BCKDHB: variants seen among roughly 807,000 people sequenced by gnomAD.
The protein encoded by BCKDHB is branched chain keto acid dehydrogenase E1 subunit beta.
Under a neutral mutation model 48.5 loss-of-function variants are expected in BCKDHB, and 41 were observed. The observed-to-expected ratio is 0.85, with a 90% CI of 0.66 to 1.10. BCKDHB has a LOEUF of 1.10. Among genes scored for constraint, BCKDHB ranks in the 50% least tolerant of loss-of-function variants. The probability of loss-of-function intolerance (pLI) is 0.00; values close to 1 mark genes in which losing one functional copy is unlikely to be tolerated. For synonymous variants in BCKDHB, 201 were observed against 174.8 expected, an observed-to-expected ratio of 1.15 and a Z score of -1.18; for missense variants, 496 against 494.2, an observed-to-expected ratio of 1.00 and a Z score of -0.03.
chr6:80,394,466 A>G, the BCKDHB span, among the ~76,000 whole-genome samples: 1 of 150,738 alleles, frequency 6.6e-6, no homozygotes, highest in East Asian at 2.0e-4. Context: ...TTTCAAGTTT[A>G]CTTCTGCTCC....
chr6:80,221,786 T>C (rs7746917), intron 8 of BCKDHB, among the ~76,000 whole-genome samples: 93,359 of 151,628 alleles, frequency 0.62, 28,998 homozygotes, highest in South Asian at 0.76. Context: ...TACTGAGAAA[T>C]GTATCAGCAA....
chr6:80,248,902 ATGTGTG>A lies in BCKDHB; in HGVS notation c.952-24211_952-24206del, dbSNP rs3077568. Among the ~76,000 whole-genome samples, 1,316 of 146,756 alleles carry A rather than the reference ATGTGTG, an allele frequency of 9.0e-3. 14 individuals are homozygous for A. The highest frequency in any genetic ancestry group is 0.027 in the African/African-American group (1,094 of 39,960). On this transcript the variant is annotated intron_variant, in intron 8 of 9. Transcript: ENST00000320393. ...GTTGGAAGTTTGTGTGTGTGTGTGT[ATGTGTG>A]TGTGTGTGTGTGTGTGTGTGTATGT...
intron 9 of BCKDHB, among the ~76,000 whole-genome samples, chr6:80,327,926 C>T: frequency 6.8e-6 from 1 of 148,040 alleles, no homozygotes; most frequent in Non-Finnish European, 1.5e-5. Flanking sequence ...CTCCCCTCCC[C>T]TCCCTCCCTT....
the BCKDHB span, among the ~76,000 whole-genome samples, chr6:80,404,522 A>G: frequency 6.6e-6 from 1 of 151,750 alleles, no homozygotes; most frequent in South Asian, 2.1e-4. Context: ...ACAAAGTATT[A>G]GTTTCATTGA....
In BCKDHB at chr6:80,170,165, A is replaced by G. The variant is rs1432945989; in HGVS notation, c.634-1117A>G. Among the ~76,000 whole-genome samples, 7 of 152,306 alleles carry G rather than the reference A, an allele frequency of 4.6e-5. 1 individual carries two copies. In the South Asian group the frequency reaches 1.0e-3, roughly 23 times the overall value. On this transcript the variant is annotated intron_variant, in intron 5 of 9. Coordinates refer to ENST00000320393, the MANE Select transcript of BCKDHB (RefSeq NM_183050.4). ...GATAAAGACATTGTGTGATATGGTT[A>G]TTAATGTGTTCAGAGGTCCAGAACA...
chr6:80,347,718 C>T (rs1484021667), downstream of BCKDHB, among the ~76,000 whole-genome samples: 1 of 152,182 alleles, frequency 6.6e-6, no homozygotes, highest in Non-Finnish European at 1.5e-5. Context: ...CCTCTTTTCA[C>T]CTCTAGTTAG....
the BCKDHB span, among the ~76,000 whole-genome samples, chr6:80,426,509 A>G: frequency 2.0e-5 from 3 of 152,094 alleles, no homozygotes; most frequent in African/African-American, 4.8e-5. Context: ...CATAAATGTT[A>G]ATATTATGTA....
intron 8 of BCKDHB, among the ~76,000 whole-genome samples, chr6:80,233,977 T>C (rs756095415): frequency 6.6e-6 from 1 of 152,154 alleles, no homozygotes; most frequent in African/African-American, 2.4e-5. Flanking sequence ...GGTTTCGAGA[T>C]GAAACTGTTC....
At position 80,106,682 on chromosome 6, in the gene BCKDHB, T is replaced by G; in HGVS notation, c.-12T>G. Reference sequence around the variant, plus strand: ...CGGCTGCATAGCCTGAGAATCCCGGTGGTGAGCGGGGATGGCGGTTGTAGC... The same window carrying G: ...CGGCTGCATAGCCTGAGAATCCCGGGGGTGAGCGGGGATGGCGGTTGTAGC... On this transcript the variant is annotated 5_prime_UTR_variant, in exon 1 of 10. Coordinates refer to ENST00000320393, the MANE Select transcript of BCKDHB (RefSeq NM_183050.4). 1 of 1,551,054 alleles carries G rather than the reference T, an allele frequency of 6.4e-7. No individual in the cohort carries two copies. Among genetic ancestry groups the G allele is most frequent in the Non-Finnish European group, 8.7e-7 (1 of 1,147,942 alleles).
At chr6:80,239,286 C>T (rs1776280352) in intron 8 of BCKDHB, among the ~76,000 whole-genome samples, 1 of 152,236 alleles carries the variant, frequency 6.6e-6, no homozygotes, top group East Asian at 1.9e-4. Flanking sequence ...TTTTAATGAT[C>T]ACCATTCTAA....
At chr6:80,376,043 C>T in the BCKDHB span, among the ~76,000 whole-genome samples, 1 of 152,108 alleles carries the variant, frequency 6.6e-6, no homozygotes, top group Non-Finnish European at 1.5e-5. Flanking sequence ...TCAGATTTCT[C>T]AGGTGGTAGG....
chr6:80,446,637 AAG>A, the BCKDHB span, among the ~76,000 whole-genome samples: 2 of 152,128 alleles, frequency 1.3e-5, no homozygotes, highest in South Asian at 2.1e-4. Flanking sequence ...GAGTTAAAGA[AAG>A]AGGAAAGAAA....
At chr6:80,340,660 A>T (rs117352664) in intron 9 of BCKDHB, among the ~76,000 whole-genome samples, 1 of 152,226 alleles carries the variant, frequency 6.6e-6, no homozygotes, top group Non-Finnish European at 1.5e-5. Context: ...CTGAATTGTC[A>T]TGAAAATTCA....
intron 1 of BCKDHB, among the ~76,000 whole-genome samples, chr6:80,108,866 C>A (rs1190562449): frequency 6.6e-5 from 10 of 152,078 alleles, no homozygotes; most frequent in Admixed American, 6.5e-4. Context: ...CTCAAAAAAA[C>A]CCCAAAAAAC....
At chr6:80,161,240 C>T (rs1772300568) in intron 3 of BCKDHB, among the ~76,000 whole-genome samples, 1 of 152,128 alleles carries the variant, frequency 6.6e-6, no homozygotes, top group South Asian at 2.1e-4. Context: ...ACAATTTAGT[C>T]ATCATTTGGA....
chr6:80,188,482 T>A (rs1464393449), intron 6 of BCKDHB, among the ~76,000 whole-genome samples: 2 of 151,786 alleles, frequency 1.3e-5, no homozygotes, highest in Non-Finnish European at 2.9e-5. Flanking sequence ...ACAAAAAAAA[T>A]ACAAAATTTA....
chr6:80,218,268 C>G (rs1165456702), intron 8 of BCKDHB, among the ~76,000 whole-genome samples: 2 of 151,968 alleles, frequency 1.3e-5, no homozygotes, highest in Admixed American at 6.6e-5. Context: ...TTTATCTTGG[C>G]TATAATGGAG....
At chr6:80,372,802 C>G in the BCKDHB span, among the ~76,000 whole-genome samples, 1 of 152,238 alleles carries the variant, frequency 6.6e-6, no homozygotes, top group Non-Finnish European at 1.5e-5. Context: ...ATGAAACAAA[C>G]TTGATCATAG....
intron 1 of BCKDHB, among the ~76,000 whole-genome samples, chr6:80,114,290 C>T (rs1769570522): frequency 6.7e-6 from 1 of 150,188 alleles, no homozygotes. Flanking sequence ...ACTCTCTTGT[C>T]TAGGCTGGAG....
Sources: gnomAD v4.1 joint callset for allele counts (sites outside exome capture counted in the v4.1 genomes callset) on GRCh38, gnomAD v4.1.1 for gene constraint, MANE v1.5 for transcripts, NCBI Gene and HGNC (gene_info 2026-07-23, HGNC 2026-07-21) for gene names.